TEX2: variants seen among roughly 807,000 people sequenced by gnomAD.
The protein encoded by TEX2 is testis expressed 2, also known as testis-expressed protein 2.
In TEX2, 53 loss-of-function variants were observed where a neutral mutation model predicts 106.9. That is an observed-to-expected ratio of 0.50 (90% CI 0.40 to 0.62). The LOEUF is 0.62. Among genes scored for constraint, TEX2 ranks in the 20% least tolerant of loss-of-function variants. The pLI is 0.00. For synonymous variants in TEX2, 523 were observed against 534.8 expected (o/e 0.98, Z 0.30); for missense variants, 1,207 against 1,379.0 (o/e 0.88, Z 1.98).
intron 5 of TEX2, among the ~76,000 whole-genome samples, chr17:64,179,975 G>A (rs1598147381): frequency 6.6e-6 from 1 of 152,172 alleles, no homozygotes; most frequent in East Asian, 1.9e-4. Flanking sequence ...GCTTGGCCAT[G>A]CCATAACTTG....
At chr17:64,202,272 T>G (rs1291614149) in intron 2 of TEX2, among the ~76,000 whole-genome samples, 6 of 152,076 alleles carry the variant, frequency 3.9e-5, no homozygotes, top group Non-Finnish European at 7.4e-5. Context: ...ACAGGAAATC[T>G]TGAGAGGATC....
At chr17:64,159,161 G>A (rs2030769501) in intron 8 of TEX2, among the ~76,000 whole-genome samples, 2 of 152,160 alleles carry the variant, frequency 1.3e-5, no homozygotes, top group Admixed American at 6.5e-5. Flanking sequence ...AGCACCTCAG[G>A]GACCGGCCTG....
At chr17:64,211,321 TCTC>T (rs1331343519) in intron 2 of TEX2, among the ~76,000 whole-genome samples, 2 of 152,112 alleles carry the variant, frequency 1.3e-5, no homozygotes, top group Non-Finnish European at 2.9e-5. Context: ...AGAGCCTGAA[TCTC>T]CTCATGTGTA....
chr17:64,228,818 TTTTTG>T (rs2033581570), intron 1 of TEX2, among the ~76,000 whole-genome samples: 2 of 152,104 alleles, frequency 1.3e-5, no homozygotes, highest in Admixed American at 6.6e-5. Context: ...AATAAAGTTG[TTTTTG>T]TTTTTACTTT....
intron 8 of TEX2, chr17:64,155,700 T>C (rs568676015): frequency 6.6e-6 from 1 of 152,250 alleles, no homozygotes; most frequent in South Asian, 2.1e-4. Context: ...GAAAGCCTCA[T>C]GGGACAGCAG....
At chr17:64,231,077 C>T (rs2033644196) in intron 1 of TEX2, among the ~76,000 whole-genome samples, 2 of 152,190 alleles carry the variant, frequency 1.3e-5, no homozygotes, top group African/African-American at 4.8e-5. Context: ...GAGTTTCCAA[C>T]CTATGAGAAT....
At chr17:64,172,325 C>T (rs1046998129) in intron 6 of TEX2, among the ~76,000 whole-genome samples, 3 of 150,448 alleles carry the variant, frequency 2.0e-5, no homozygotes, top group Non-Finnish European at 3.0e-5. Flanking sequence ...TGCACTCCAG[C>T]CTGGGTGACA....
chr17:64,181,616 C>T (rs1365254473), intron 5 of TEX2, among the ~76,000 whole-genome samples: 1 of 151,836 alleles, frequency 6.6e-6, no homozygotes, highest in Non-Finnish European at 1.5e-5. Flanking sequence ...CTCCCAGGTT[C>T]AAGGGAGGCT....
chr17:64,188,063 C>T, intron 5 of TEX2, 105 bp downstream of exon 5: 2 of 1,331,088 alleles, frequency 1.5e-6, no homozygotes, highest in Non-Finnish European at 2.1e-6. Flanking sequence ...GTCTTGTGTA[C>T]CACTGTTATC....
intron 8 of TEX2, among the ~76,000 whole-genome samples, chr17:64,160,088 T>C (rs1027331513): frequency 1.3e-5 from 2 of 152,242 alleles, no homozygotes; most frequent in Admixed American, 6.5e-5. Flanking sequence ...CTAGTCAACA[T>C]TTTTAATTTG....
intron 1 of TEX2, chr17:64,239,235 T>A (rs928372194): frequency 5.3e-5 from 8 of 152,254 alleles, no homozygotes; most frequent in Admixed American, 2.0e-4. Flanking sequence ...AATAATGGGA[T>A]GTTTATTTCC....
intron 4 of TEX2, 91 bp downstream of exon 4, chr17:64,193,468 C>CTTCCTTCA: frequency 1.1e-6 from 1 of 924,386 alleles, no homozygotes; most frequent in South Asian, 3.1e-5. Flanking sequence ...GGTGGGCTTC[C>CTTCCTTCA]TTCCTTCCTT....
Position 64,148,891 on chromosome 17 carries a change from G to A in TEX2, c.*78C>T, listed in dbSNP as rs1046623862. 2 of 1,574,338 alleles carry A rather than the reference G, an allele frequency of 1.3e-6. No homozygotes were observed. The highest frequency in any genetic ancestry group is 1.4e-5 in the African/African-American group (1 of 73,876). The stretch of plus-strand genomic sequence containing the variant: ...CAGTAGCTGTGGCACAGAGGCCAGT[G>A]CTACAGTACAGATGGCGGCCAAGAA... On this transcript the variant is annotated 3_prime_UTR_variant, in exon 12 of 12. Transcript: ENST00000584379.
chr17:64,234,710 G>A (rs1243213484), intron 1 of TEX2, among the ~76,000 whole-genome samples: 1 of 152,100 alleles, frequency 6.6e-6, no homozygotes, highest in African/African-American at 2.4e-5. Flanking sequence ...GTCAATTTAG[G>A]CAGTGACAGC....
intron 1 of TEX2, among the ~76,000 whole-genome samples, chr17:64,258,245 T>A (rs1265918350): frequency 6.6e-6 from 1 of 152,160 alleles, no homozygotes; most frequent in Non-Finnish European, 1.5e-5. Flanking sequence ...ATATTGTTAA[T>A]CTCTTACCGT....
chr17:64,240,188 A>G (rs2033859697), intron 1 of TEX2, among the ~76,000 whole-genome samples: 1 of 151,978 alleles, frequency 6.6e-6, no homozygotes, highest in African/African-American at 2.4e-5. Flanking sequence ...ACTTTCCTCT[A>G]TGATCTTTAT....
intron 9 of TEX2, among the ~76,000 whole-genome samples, chr17:64,154,224 G>T (rs755163538): frequency 1.1e-4 from 17 of 152,182 alleles, no homozygotes; most frequent in Non-Finnish European, 2.1e-4. Context: ...GAATAGGTTG[G>T]TTTTTTCTTA....
At chr17:64,168,438 G>A (rs1321132727) in intron 7 of TEX2, among the ~76,000 whole-genome samples, 1 of 152,144 alleles carries the variant, frequency 6.6e-6, no homozygotes, top group Non-Finnish European at 1.5e-5. Context: ...AGCCTCAAAT[G>A]GATTAAAAAC....
intron 4 of TEX2, among the ~76,000 whole-genome samples, chr17:64,189,314 G>A (rs148618509): frequency 5.5e-4 from 84 of 152,292 alleles, no homozygotes; most frequent in African/African-American, 1.5e-3. Flanking sequence ...AGACTGGAGC[G>A]GTGCTTACCC....
Sources: allele counts gnomAD v4.1 joint callset (sites outside exome capture counted in the v4.1 genomes callset), GRCh38; gene constraint gnomAD v4.1.1; transcripts MANE v1.5; gene names NCBI Gene and HGNC (gene_info 2026-07-23, HGNC 2026-07-21).